The following CCNY variants were observed in gnomAD, a reference collection of about 807,000 sequenced individuals.
CCNY encodes the protein cyclin-Y.
Under a neutral mutation model 42.8 loss-of-function variants are expected in CCNY, and 19 were observed. That is an observed-to-expected ratio of 0.44 (90% CI 0.31 to 0.65). The LOEUF (loss-of-function observed/expected upper bound fraction) is 0.65. Ranked by LOEUF, CCNY falls within the 30% of genes least tolerant of loss-of-function variation. The pLI is 0.07. For missense variants in CCNY, 370 were observed against 437.3 expected, an observed-to-expected ratio of 0.85 and a Z score of 1.37; for synonymous variants, 165 against 162.7, an observed-to-expected ratio of 1.01 and a Z score of -0.11.
At chr10:35,380,734 G>T (rs1430321171) in intron 1 of CCNY, among the ~76,000 whole-genome samples, 1 of 152,150 alleles carries the variant, frequency 6.6e-6, no homozygotes, top group Admixed American at 6.5e-5. Context: ...ACCTTGCCTG[G>T]GGTCTCCCAG....
chr10:35,283,403 G>GTT (rs869225751), intron 3 of CCNY, among the ~76,000 whole-genome samples: 80 of 144,040 alleles, frequency 5.6e-4, no homozygotes, highest in Admixed American at 6.3e-4. Context: ...TGTAAGGACA[G>GTT]TTTTTTTTTT....
At chr10:35,388,717 T>C (rs146841723) in intron 1 of CCNY, among the ~76,000 whole-genome samples, 7 of 152,356 alleles carry the variant, frequency 4.6e-5, no homozygotes, top group Non-Finnish European at 8.8e-5. Context: ...CTTAAAACAA[T>C]ACAAATGCAT....
chr10:35,327,289 AC>A (rs1484577083), intron 3 of CCNY, among the ~76,000 whole-genome samples: 2 of 152,186 alleles, frequency 1.3e-5, no homozygotes, highest in Admixed American at 6.5e-5. Context: ...TTCTCTCTCA[AC>A]AATATTTCGT....
chr10:35,447,682 A>G (rs1434517525), intron 1 of CCNY, among the ~76,000 whole-genome samples: 1 of 152,214 alleles, frequency 6.6e-6, no homozygotes, highest in African/African-American at 2.4e-5. Flanking sequence ...ACCCAAGGGT[A>G]GCATTTCTGC....
At chr10:35,434,684 G>C (rs1838487321) in intron 1 of CCNY, among the ~76,000 whole-genome samples, 1 of 152,132 alleles carries the variant, frequency 6.6e-6, no homozygotes, top group Non-Finnish European at 1.5e-5. Context: ...GGGATGCTTT[G>C]AATGAAACCA....
intron 3 of CCNY, among the ~76,000 whole-genome samples, chr10:35,297,911 A>C (rs1314066758): frequency 1.3e-5 from 2 of 152,116 alleles, no homozygotes; most frequent in Non-Finnish European, 2.9e-5. Flanking sequence ...TAACGGCCAT[A>C]CTGCCCAAAG....
In CCNY at chr10:35,569,971, AGTT is replaced by A. The variant is rs1841654085; in HGVS notation, c.*808_*810del. 1.3e-5 allele frequency: 2 copies of A among 152,492 alleles called. No individual in the cohort carries two copies. The highest frequency in any genetic ancestry group is 2.4e-5 in the African/African-American group (1 of 41,386). The allele number at this position is 152,492 out of a possible 1,614,324, so 9.4% of individuals were successfully genotyped here. On this transcript the variant is annotated 3_prime_UTR_variant, in exon 10 of 10. Transcript: ENST00000374704. Reference sequence around the variant, plus strand: ...TGCATTTGTTTTTTTCCTGACCTGAAGTTGTTGTTACAAAATCAGTCAGACTTT... The same window carrying A: ...TGCATTTGTTTTTTTCCTGACCTGAAGTTGTTACAAAATCAGTCAGACTTT...
intron 4 of CCNY, among the ~76,000 whole-genome samples, chr10:35,522,971 C>T (rs150765349): frequency 9.0e-4 from 137 of 152,298 alleles, no homozygotes; most frequent in African/African-American, 3.1e-3. Context: ...AGAGACCTGG[C>T]TGTTCGGGTG....
chr10:35,394,453 A>C (rs947897873), intron 1 of CCNY, among the ~76,000 whole-genome samples: 2 of 152,232 alleles, frequency 1.3e-5, no homozygotes, highest in African/African-American at 4.8e-5. Context: ...TTGATTGCAG[A>C]CTTGAGTAAC....
intron 3 of CCNY, among the ~76,000 whole-genome samples, chr10:35,267,406 TC>T (rs1365041868): frequency 6.6e-6 from 1 of 152,152 alleles, no homozygotes; most frequent in Admixed American, 6.6e-5. Context: ...CAATTCTCCT[TC>T]CTGTTGACAT....
At position 35,553,058 on chromosome 10, in the gene CCNY, A is replaced by G; in HGVS notation, c.619A>G (p.Ile207Val). 6.2e-7 allele frequency: 1 copy of G among 1,614,200 alleles called. No homozygotes were observed. The highest frequency in any genetic ancestry group is 8.5e-7 in the Non-Finnish European group (1 of 1,180,030). The change falls in exon 8 of 10, where the codon ATC (isoleucine) becomes GTC (valine). Residue 207 changes from isoleucine to valine, a missense_variant. Coordinates refer to ENST00000374704, the MANE Select transcript of CCNY (RefSeq NM_145012.6). The stretch of plus-strand genomic sequence containing the variant: ...ACTTTTAACATACGCAGAGATAGAT[A>G]TCTGTCCGGCCAACTGGAAGCGGAT... ...ERLLTYAEID[I>V]CPANWKRIVL...
At chr10:35,364,253 C>T (rs1435861103) in intron 1 of CCNY, among the ~76,000 whole-genome samples, 1 of 151,874 alleles carries the variant, frequency 6.6e-6, no homozygotes, top group Non-Finnish European at 1.5e-5. Flanking sequence ...ATTCACCATC[C>T]GTCTAAACAA....
chr10:35,358,137 G>A (rs1836600150), intron 1 of CCNY, among the ~76,000 whole-genome samples: 1 of 151,026 alleles, frequency 6.6e-6, no homozygotes, highest in South Asian at 2.1e-4. Flanking sequence ...AAGTATGGAT[G>A]TCATACTTCC....
intron 7 of CCNY, among the ~76,000 whole-genome samples, chr10:35,536,167 A>T (rs1478889890): frequency 6.6e-6 from 1 of 152,126 alleles, no homozygotes; most frequent in African/African-American, 2.4e-5. Context: ...TTCTTGTGGT[A>T]GTGGATAAGT....
intron 1 of CCNY, among the ~76,000 whole-genome samples, chr10:35,391,526 G>A (rs1837413474): frequency 6.6e-6 from 1 of 152,180 alleles, no homozygotes; most frequent in South Asian, 2.1e-4. Context: ...AAGCAAGTGG[G>A]CGATGAGAAC....
intron 1 of CCNY, among the ~76,000 whole-genome samples, chr10:35,376,714 G>A (rs994674100): frequency 2.6e-5 from 4 of 152,158 alleles, no homozygotes; most frequent in Non-Finnish European, 5.9e-5. Context: ...TTATTTAGCC[G>A]TTAAAAGGAG....
intron 1 of CCNY, among the ~76,000 whole-genome samples, chr10:35,355,353 A>G (rs1049501482): frequency 1.3e-5 from 2 of 152,092 alleles, no homozygotes; most frequent in Non-Finnish European, 2.9e-5. Context: ...GGTAAAAGTA[A>G]AGTTAAGGCT....
In CCNY at chr10:35,491,461, G is replaced by A. The variant is rs116995724; in HGVS notation, c.229+7983G>A. 8.9e-4 allele frequency among the ~76,000 whole-genome samples: 135 copies of A among 152,194 alleles called. 1 individual carries two copies. The highest frequency in any genetic ancestry group is 8.5e-3 in the South Asian group (41 of 4,822). ...GACCCCTGGCAAGAGGAGCCACCCC[G>A]TCCTGCCAGTGTAAGCATGTGTTCC... On this transcript the variant is annotated intron_variant, in intron 2 of 9. Coordinates refer to ENST00000374704, the MANE Select transcript of CCNY (RefSeq NM_145012.6).
intron 3 of CCNY, among the ~76,000 whole-genome samples, chr10:35,263,146 G>A (rs1010700266): frequency 1.3e-5 from 2 of 151,904 alleles, no homozygotes; most frequent in African/African-American, 2.4e-5. Flanking sequence ...CACGAGGTTA[G>A]GGGATCGAGG....
Sources: allele counts gnomAD v4.1 joint callset (sites outside exome capture counted in the v4.1 genomes callset), GRCh38; gene constraint gnomAD v4.1.1; transcripts MANE v1.5; gene names NCBI Gene and HGNC (gene_info 2026-07-23, HGNC 2026-07-21).